The following ABI3BP variants were observed in gnomAD, a reference collection of about 807,000 sequenced individuals.
ABI3BP encodes the protein target of Nesh-SH3.
A neutral mutation model predicts 268.6 loss-of-function variants in ABI3BP; 216 were observed. The observed-to-expected ratio is 0.80, with a 90% confidence interval of 0.72 to 0.90. The LOEUF (loss-of-function observed/expected upper bound fraction) is 0.90, where lower values mean the gene tolerates loss of function less well. ABI3BP is among the 40% of genes least tolerant of loss of function. The pLI, the probability that ABI3BP is intolerant of heterozygous loss-of-function variation, is 0.00. For synonymous variants in ABI3BP, 730 were observed against 730.0 expected (o/e 1.00, Z 0.00); for missense variants, 2,090 against 2,182.4 (o/e 0.96, Z 0.84).
intron 2 of ABI3BP, among the ~76,000 whole-genome samples, chr3:100,924,741 C>T (rs1412236650): frequency 1.3e-5 from 2 of 152,092 alleles, no homozygotes; most frequent in Non-Finnish European, 2.9e-5. Context: ...AACAAATTCT[C>T]TTCAGTTTTC....
intron 2 of ABI3BP, among the ~76,000 whole-genome samples, chr3:100,921,230 A>G (rs538308312): frequency 6.6e-6 from 1 of 152,366 alleles, no homozygotes; most frequent in East Asian, 1.9e-4. Flanking sequence ...AATTTGTCAT[A>G]GTGAACACAT....
intron 43 of ABI3BP, chr3:100,816,196 T>C (rs974278716): frequency 3.0e-5 from 15 of 507,152 alleles, no homozygotes; most frequent in African/African-American, 5.9e-5. Context: ...ATCTTGATAT[T>C]ATCCACATGA....
chr3:100,833,176 A>G lies in ABI3BP; in HGVS notation c.2282-19T>C. On this transcript the variant is annotated intron_variant, in intron 29 of 67. Coordinates refer to ENST00000471714, the MANE Select transcript of ABI3BP (RefSeq NM_001375547.2). The stretch of plus-strand genomic sequence containing the variant: ...CCAAAGTCTGTAGCAAGAAATGATC[A>G]AAAGCAATTTTAAAAAGAAATAAAT... The G allele has an allele frequency of 6.5e-7, 1 of 1,531,354 alleles. No homozygotes were observed. Among genetic ancestry groups the G allele is most frequent in the Non-Finnish European group, 8.7e-7 (1 of 1,143,526 alleles). The allele number at this position is 1,531,354 out of a possible 1,614,324, so 94.9% of individuals were successfully genotyped here.
Position 100,811,222 on chromosome 3 carries a change from G to T in ABI3BP, c.3541+8C>A, listed in dbSNP as rs1320120092. ...GAGCACCCAGGGTTGGGCTACCGAGGTTATTACCTAGTGTGGTCTCAGGTG... is the reference window on the plus strand; with the variant it reads ...GAGCACCCAGGGTTGGGCTACCGAGTTTATTACCTAGTGTGGTCTCAGGTG... On this transcript the variant is annotated splice_region_variant and intron_variant, in intron 48 of 67. Coordinates refer to ENST00000471714, the MANE Select transcript of ABI3BP (RefSeq NM_001375547.2). 13 of 1,533,180 alleles carry T rather than the reference G, an allele frequency of 8.5e-6. No homozygotes were observed. In the East Asian group the frequency reaches 2.9e-4, roughly 35 times the overall value. The allele number at this position is 1,533,180 out of a possible 1,614,324, so 95.0% of individuals were successfully genotyped here.
intron 51 of ABI3BP, among the ~76,000 whole-genome samples, chr3:100,802,177 C>T (rs2097552288): frequency 6.6e-6 from 1 of 152,158 alleles, no homozygotes; most frequent in Admixed American, 6.5e-5. Flanking sequence ...AAACTAACTA[C>T]AGAAATCCTG....
intron 2 of ABI3BP, among the ~76,000 whole-genome samples, chr3:100,923,125 G>A (rs2153625711): frequency 6.6e-6 from 1 of 152,294 alleles, no homozygotes; most frequent in Admixed American, 6.5e-5. Context: ...ACAATATGAG[G>A]TAAGAGTTTT....
intron 4 of ABI3BP, among the ~76,000 whole-genome samples, chr3:100,891,781 A>T (rs2044796365): frequency 6.6e-6 from 1 of 152,218 alleles, no homozygotes; most frequent in African/African-American, 2.4e-5. Context: ...GTTGAGAACT[A>T]CTATTGTAAA....
chr3:100,823,334 C>A, intron 37 of ABI3BP, 124 bp downstream of exon 37: 1 of 802,666 alleles, frequency 1.2e-6, no homozygotes, highest in South Asian at 2.2e-5. Context: ...AGTTAAGAGT[C>A]TTATAATTTC....
intron 63 of ABI3BP, among the ~76,000 whole-genome samples, chr3:100,755,968 A>G (rs71315209): frequency 2.7e-3 from 402 of 151,438 alleles, no homozygotes; most frequent in Non-Finnish European, 4.5e-3. Flanking sequence ...GATGGTACTA[A>G]ATGAGCAGGA....
intron 1 of ABI3BP, among the ~76,000 whole-genome samples, chr3:100,932,210 T>C (rs977466159): frequency 6.6e-6 from 1 of 152,070 alleles, no homozygotes; most frequent in Non-Finnish European, 1.5e-5. Flanking sequence ...CAACTCAACA[T>C]GGATTAAAGA....
intron 2 of ABI3BP, among the ~76,000 whole-genome samples, chr3:100,902,905 G>A (rs1156798830): frequency 2.0e-5 from 3 of 152,158 alleles, no homozygotes; most frequent in Admixed American, 2.0e-4. Flanking sequence ...AAATGGGCAA[G>A]GGTGAGGGAG....
At chr3:100,900,866 AGT>A (rs1368967102) in intron 3 of ABI3BP, among the ~76,000 whole-genome samples, 3 of 152,212 alleles carry the variant, frequency 2.0e-5, no homozygotes, top group Non-Finnish European at 4.4e-5. Flanking sequence ...TTCTAAGGCT[AGT>A]GTCATAGAAT....
intron 6 of ABI3BP, among the ~76,000 whole-genome samples, chr3:100,879,369 T>C (rs1433388007): frequency 6.6e-6 from 1 of 152,238 alleles, no homozygotes; most frequent in Non-Finnish European, 1.5e-5. Flanking sequence ...TTGAATGGCC[T>C]GTCCTCTATT....
intron 3 of ABI3BP, among the ~76,000 whole-genome samples, chr3:100,901,398 G>A (rs1048213104): frequency 6.6e-6 from 1 of 151,998 alleles, no homozygotes; most frequent in African/African-American, 2.4e-5. Context: ...TCCTTTTATC[G>A]TGTGGTATCC....
chr3:100,889,469 G>A (rs1434071584), intron 4 of ABI3BP, among the ~76,000 whole-genome samples: 2 of 152,132 alleles, frequency 1.3e-5, no homozygotes, highest in Non-Finnish European at 2.9e-5. Flanking sequence ...AGGCTTTTTA[G>A]TTTTTGTTTT....
At chr3:100,925,303 A>C (rs2061483596) in intron 2 of ABI3BP, among the ~76,000 whole-genome samples, 1 of 152,192 alleles carries the variant, frequency 6.6e-6, no homozygotes, top group African/African-American at 2.4e-5. Context: ...AACTTATAGG[A>C]AAGCTCCTAA....
chr3:100,950,833 A>G (rs1293451296), intron 1 of ABI3BP, among the ~76,000 whole-genome samples: 7 of 151,904 alleles, frequency 4.6e-5, no homozygotes, highest in Non-Finnish European at 5.9e-5. Flanking sequence ...TGTGGTGTCC[A>G]TCCTCGTCCA....
At chr3:100,893,702 G>T (rs1003314816) in intron 4 of ABI3BP, among the ~76,000 whole-genome samples, 6 of 152,090 alleles carry the variant, frequency 3.9e-5, no homozygotes, top group African/African-American at 1.4e-4. Flanking sequence ...AAAAGAGACT[G>T]AAAAGTAGCT....
At chr3:100,860,554 T>C (rs1299366979) in intron 14 of ABI3BP, among the ~76,000 whole-genome samples, 4 of 152,188 alleles carry the variant, frequency 2.6e-5, no homozygotes, top group Admixed American at 6.5e-5. Flanking sequence ...TCCGATATCA[T>C]CTATTTTCGT....
Sources: allele counts gnomAD v4.1 joint callset (sites outside exome capture counted in the v4.1 genomes callset), GRCh38; gene constraint gnomAD v4.1.1; transcripts MANE v1.5; gene names NCBI Gene and HGNC (gene_info 2026-07-23, HGNC 2026-07-21).